The following CELA3A variants were observed in gnomAD, a reference collection of about 807,000 sequenced individuals.
CELA3A encodes chymotrypsin-like elastase family member 3A.
A neutral mutation model predicts 38.6 loss-of-function variants in CELA3A; 35 were observed. The observed-to-expected ratio is 0.91, with a 90% CI of 0.69 to 1.20. The LOEUF (loss-of-function observed/expected upper bound fraction) is 1.20, where lower values mean the gene tolerates loss of function less well. Among genes scored for constraint, CELA3A ranks in the 50% most tolerant of loss-of-function variants. The probability of loss-of-function intolerance (pLI) is 0.00; values close to 1 mark genes in which losing one functional copy is unlikely to be tolerated. For synonymous variants in CELA3A, 143 were observed against 136.7 expected, an observed-to-expected ratio of 1.05 and a Z score of -0.32; for missense variants, 343 against 354.2, an observed-to-expected ratio of 0.97 and a Z score of 0.25.
intron 7 of CELA3A, among the ~76,000 whole-genome samples, chr1:22,010,348 CAT>C (rs1216055492): frequency 6.6e-6 from 1 of 150,638 alleles, no homozygotes; most frequent in Non-Finnish European, 1.5e-5. Context: ...CTGGGCATGG[CAT>C]AGTCATGCCT....
At chr1:22,003,672 ACT>A (rs1644931344) in intron 2 of CELA3A, among the ~76,000 whole-genome samples, 2 of 149,012 alleles carry the variant, frequency 1.3e-5, no homozygotes, top group Admixed American at 6.6e-5. Context: ...ACAGAGTGAG[ACT>A]CTGTCTCAAA....
In CELA3A at chr1:22,006,953, C is replaced by T. The variant is rs373096933; in HGVS notation, c.438C>T (p.Pro146=). ...GDAVQLASLP[P]AGDILPNKTP... The stretch of plus-strand genomic sequence containing the variant: ...CCGTCCAGCTCGCCTCACTCCCTCC[C>T]GCTGGTGACATCCTTCCCAACAAGA... The change falls in exon 5 of 8, where the codon CCC becomes CCT. Residue 146 remains proline (P), a synonymous_variant. Coordinates refer to ENST00000290122, the MANE Select transcript of CELA3A (RefSeq NM_005747.5). 166 of 1,612,336 alleles carry T rather than the reference C, an allele frequency of 1.0e-4. 4 individuals carry two copies. The highest frequency in any genetic ancestry group is 2.3e-4 in the Admixed American group (14 of 59,898).
rs2152819869 is a variant in CELA3A, at chr1:22,009,721, C to T, written c.659C>T (p.Pro220Leu). 2 of 1,612,076 alleles carry T rather than the reference C, an allele frequency of 1.2e-6. No individual in the cohort carries two copies. Among genetic ancestry groups the T allele is most frequent in the Non-Finnish European group, 1.7e-6 (2 of 1,179,408 alleles). ...RSGCNGDSGG[P>L]LNCPTEDGGW... is the part of the protein sequence containing the mutation. The stretch of plus-strand genomic sequence containing the variant: ...CGGTTCCAGGGTGACTCTGGAGGAC[C>T]CCTCAACTGCCCCACAGAGGATGGT... Residue 220 changes from proline to leucine, a missense_variant, in exon 7 of 8, where the codon CCC (proline) becomes CTC (leucine). Transcript: ENST00000290122.
At chr1:22,012,427 G>C in intron 7 of CELA3A, 23 bp from the exon 8 acceptor site, 2 of 1,248,762 alleles carry the variant, frequency 1.6e-6, no homozygotes, top group South Asian at 1.3e-5. Flanking sequence ...TGACTATTCT[G>C]TCTGCCCCCC....
At chr1:22,008,325 A>T (rs1278507296) in intron 6 of CELA3A, among the ~76,000 whole-genome samples, 2 of 149,846 alleles carry the variant, frequency 1.3e-5, no homozygotes, top group African/African-American at 5.0e-5. Context: ...TAATTTTTAA[A>T]TTTTTTGTAG....
intron 2 of CELA3A, 88 bp downstream of exon 2, chr1:22,003,176 C>G (rs972600399): frequency 4.0e-6 from 5 of 1,265,466 alleles, no homozygotes; most frequent in Non-Finnish European, 5.6e-6. Context: ...GACACCATTG[C>G]TCCCTTTGCA....
At chr1:22,005,613 G>A in intron 3 of CELA3A, 49 bp from the exon 4 acceptor site, 1 of 1,611,914 alleles carries the variant, frequency 6.2e-7, no homozygotes, top group South Asian at 1.1e-5. Flanking sequence ...GATGGGGAAG[G>A]AGGGAGGTGA....
intron 2 of CELA3A, 77 bp from the exon 3 acceptor site, chr1:22,005,370 A>C: frequency 1.3e-6 from 2 of 1,555,486 alleles, no homozygotes; most frequent in Non-Finnish European, 1.8e-6. Flanking sequence ...TGCACAGTGC[A>C]CAACCTATAC....
intron 6 of CELA3A, among the ~76,000 whole-genome samples, chr1:22,008,530 C>T (rs111650992): frequency 0.023 from 3,519 of 150,544 alleles, 111 homozygotes; most frequent in Non-Finnish European, 0.034. Flanking sequence ...GAGGCCGAGC[C>T]GGGCGGATCA....
chr1:22,012,500 C>G lies in CELA3A; in HGVS notation c.*33C>G. The G allele has an allele frequency of 9.2e-7, 1 of 1,085,220 alleles. No individual in the cohort carries two copies. The highest frequency in any genetic ancestry group is 1.3e-6 in the Non-Finnish European group (1 of 772,462). The allele number at this position is 1,085,220 out of a possible 1,614,324, so 67.2% of individuals were successfully genotyped here. ...GCCCAGCTGGCAGTGCTGATCGATC[C>G]CACATCCTGAATAAAGAATAAAGAT... is the stretch of plus-strand genomic sequence containing the variant. On this transcript the variant is annotated 3_prime_UTR_variant, in exon 8 of 8. Coordinates refer to ENST00000290122, the MANE Select transcript of CELA3A (RefSeq NM_005747.5).
intron 2 of CELA3A, among the ~76,000 whole-genome samples, chr1:22,003,883 T>G (rs987891391): frequency 5.3e-5 from 8 of 150,114 alleles, no homozygotes; most frequent in African/African-American, 2.0e-4. Flanking sequence ...TTTGTATTTT[T>G]AGTAGAGACA....
chr1:22,006,874 C>G lies in CELA3A; in HGVS notation c.363-4C>G, dbSNP rs1280005409. Reference sequence around the variant, plus strand: ...AGGCCCCGTGACTGTTCCCTCCTCCCCAGCAATGACATCGCCCTCATCAAG... The same window carrying G: ...AGGCCCCGTGACTGTTCCCTCCTCCGCAGCAATGACATCGCCCTCATCAAG... On this transcript the variant is annotated splice_polypyrimidine_tract_variant and splice_region_variant and intron_variant, in intron 4 of 7. Transcript: ENST00000290122. 3 of 1,611,658 alleles carry G rather than the reference C, an allele frequency of 1.9e-6. No individual in the cohort carries two copies. In the African/African-American group the frequency reaches 4.0e-5, roughly 22 times the overall value.
intron 6 of CELA3A, among the ~76,000 whole-genome samples, chr1:22,009,104 G>A (rs548773869): frequency 1.4e-4 from 21 of 151,388 alleles, no homozygotes; most frequent in South Asian, 2.1e-4. Context: ...AGTGACTCAC[G>A]CCTGTAATCC....
At chr1:22,011,562 C>G (rs1359918658) in intron 7 of CELA3A, among the ~76,000 whole-genome samples, 1 of 127,470 alleles carries the variant, frequency 7.8e-6, no homozygotes, top group Non-Finnish European at 1.6e-5. Flanking sequence ...AGTTCGAGAC[C>G]AGCCTGGCCA....
At chr1:22,004,075 G>T (rs1242450480) in intron 2 of CELA3A, among the ~76,000 whole-genome samples, 19 of 135,640 alleles carry the variant, frequency 1.4e-4, no homozygotes, top group East Asian at 4.4e-4. Context: ...TCTTTTCTTT[G>T]TTTTTTTTTT....
chr1:22,007,446 G>A lies in CELA3A; in HGVS notation c.573G>A (p.Trp191Ter), dbSNP rs1644958055. 1.2e-6 allele frequency: 2 copies of A among 1,612,636 alleles called. No homozygotes were observed. The highest frequency in any genetic ancestry group is 1.7e-6 in the Non-Finnish European group (2 of 1,179,464). Residue 191 changes from tryptophan to a stop codon, truncating the protein, a stop_gained, in exon 6 of 8, where the codon TGG (tryptophan) becomes TGA (stop). Transcript: ENST00000290122. LOFTEE classifies it high-confidence loss of function. ...TGGACTATAAGCACTGCTCCAGGTG[G>A]AACTGGTGGGGTTCCACCGTGAAGA... Reference protein sequence around the residue: ...PVVDYKHCSRWNWWGSTVKKT... With the variant: ...PVVDYKHCSR
chr1:22,007,004 C>T lies in CELA3A; in HGVS notation c.489C>T (p.Gly163=). The T allele has an allele frequency of 6.2e-7, 1 of 1,612,420 alleles. No homozygotes were observed. The highest frequency in any genetic ancestry group is 8.5e-7 in the Non-Finnish European group (1 of 1,179,394). ...NKTPCYITGW[G]RLYTNGPLPD... ...CACCCTGCTACATCACCGGCTGGGG[C>T]CGTCTCTATAGTACGTGCTGACTTC... The change falls in exon 5 of 8, where the codon GGC becomes GGT. Residue 163 remains glycine, a synonymous_variant. Coordinates refer to ENST00000290122, the MANE Select transcript of CELA3A (RefSeq NM_005747.5).
chr1:22,007,228 T>C, intron 5 of CELA3A, 145 bp from the exon 6 acceptor site: 1 of 1,308,522 alleles, frequency 7.6e-7, no homozygotes, highest in Admixed American at 2.4e-5. Context: ...GATGTAATGG[T>C]GCACAAAGCA....
rs35204733 is a variant in CELA3A, at chr1:22,004,075, G to GCT, written c.129+987_129+988insCT. Reference sequence around the variant, plus strand: ...TTTTTTCTTTTCTTTTCTTTTCTTTGTTTTTTTTTTTTTTGAGACAGGGTC... The same window carrying GCT: ...TTTTTTCTTTTCTTTTCTTTTCTTTGCTTTTTTTTTTTTTTTGAGACAGGGTC... On this transcript the variant is annotated intron_variant, in intron 2 of 7. Coordinates refer to ENST00000290122, the MANE Select transcript of CELA3A (RefSeq NM_005747.5). 2.7e-3 allele frequency among the ~76,000 whole-genome samples: 362 copies of GCT among 135,662 alleles called. 11 individuals are homozygous for GCT. Among genetic ancestry groups the GCT allele is most frequent in the African/African-American group, 8.6e-3 (307 of 35,846 alleles). 89.0% of individuals were successfully genotyped at this position (135,662 alleles called of 152,430 possible). A position where few individuals can be genotyped will look rare whatever the true frequency, so the allele number is the denominator to read the frequency against.
Sources: allele counts gnomAD v4.1 joint callset (sites outside exome capture counted in the v4.1 genomes callset), GRCh38; gene constraint gnomAD v4.1.1; transcripts MANE v1.5; gene names NCBI Gene and HGNC (gene_info 2026-07-23, HGNC 2026-07-21).